CUL3: variants seen among roughly 807,000 people sequenced by gnomAD.
CUL3 encodes cullin-3.
A neutral mutation model predicts 89.1 loss-of-function variants in CUL3; 19 were observed. The ratio of observed to expected loss-of-function variants is 0.21; its 90% CI spans 0.15 to 0.31. The LOEUF is 0.31. Ranked by LOEUF, CUL3 falls within the 10% of genes least tolerant of loss-of-function variation. CUL3 has a pLI of 1.00. For missense variants in CUL3, 469 were observed against 942.3 expected, an observed-to-expected ratio of 0.50 and a Z score of 6.58; for synonymous variants, 351 against 308.4, an observed-to-expected ratio of 1.14 and a Z score of -1.45.
chr2:224,509,918 C>T (rs1473416880), intron 6 of CUL3, among the ~76,000 whole-genome samples: 1 of 152,194 alleles, frequency 6.6e-6, no homozygotes, highest in East Asian at 1.9e-4. Context: ...GCAAATACAG[C>T]CTGCCATCTA....
In CUL3 at chr2:224,503,682, G is replaced by A. The variant is rs752131041; in HGVS notation, c.1347C>T (p.Asp449=). The A allele has an allele frequency of 1.3e-6, 2 of 1,593,502 alleles. No individual in the cohort carries two copies. The highest frequency in any genetic ancestry group is 2.3e-5 in the South Asian group (2 of 86,422). Residue 449 remains aspartate (D), a synonymous_variant, in exon 9 of 16, where the codon GAC becomes GAT. Transcript: ENST00000264414. ...ACTTAGATATCATGTTTTTTTCAGA[G>A]TCATCAGAAACACTTTTATTTGTGA... ...RLLTNKSVSD[D]SEKNMISKLK...
chr2:224,567,752 AC>A (rs753044812), intron 1 of CUL3, among the ~76,000 whole-genome samples: 14 of 149,454 alleles, frequency 9.4e-5, no homozygotes, highest in Non-Finnish European at 1.2e-4. Context: ...AAAAAAAAAA[AC>A]CTTTCACCTA....
chr2:224,513,079 AAC>A (rs1383584753), intron 5 of CUL3, among the ~76,000 whole-genome samples: 5 of 152,224 alleles, frequency 3.3e-5, no homozygotes, highest in Admixed American at 3.3e-4. Flanking sequence ...TGGTGTTAAT[AAC>A]ACTTTCTTTT....
At chr2:224,532,682 G>T (rs1016484928) in intron 3 of CUL3, among the ~76,000 whole-genome samples, 4 of 152,162 alleles carry the variant, frequency 2.6e-5, no homozygotes, top group Non-Finnish European at 5.9e-5. Flanking sequence ...ACAGATCCTG[G>T]GAGACAGTGC....
chr2:224,584,847 G>C (rs1695541051), intron 1 of CUL3, 97 bp downstream of exon 1: 2 of 852,288 alleles, frequency 2.3e-6, no homozygotes, highest in Non-Finnish European at 3.2e-6. Flanking sequence ...GGGGAGGCCG[G>C]GCCTGCGGCC....
chr2:224,477,660 C>G (rs1691375074), intron 15 of CUL3, among the ~76,000 whole-genome samples: 1 of 152,194 alleles, frequency 6.6e-6, no homozygotes, highest in Non-Finnish European at 1.5e-5. Context: ...TCTACTCATT[C>G]AAGCCAGAAA....
rs746745736 is a variant in CUL3, at chr2:224,481,955, C to T, written c.1966G>A (p.Gly656Ser). 1.2e-6 allele frequency: 2 copies of T among 1,604,916 alleles called. No homozygotes were observed. Among genetic ancestry groups the T allele is most frequent in the Non-Finnish European group, 8.5e-7 (1 of 1,176,226 alleles). ...TGATCATTAACTGTAAATATATGAC[C>T]ATTTTCTATTTCCTTTGATTTGGGT... ...KEPKSKEIEN[G>S]HIFTVNDQFT... Residue 656 changes from glycine (G) to serine (S), a missense_variant, in exon 14 of 16, where the codon GGT (glycine) becomes AGT (serine). Physicochemically the swap from Gly to Ser is moderately conservative, Grantham distance 56. Around this residue, in one of 4 missense-constraint regions of CUL3, gnomAD observed 65 missense variants for 147.8 expected, o/e 0.44. Transcript: ENST00000264414.
chr2:224,503,771 TA>T lies in CUL3; in HGVS notation c.1257del (p.Phe419LeufsTer36). ...ETILDKAMVL[F>X]RFMQEKDVFE... is the part of the protein sequence containing the mutation. ...AATACATCTTTTTCTTGCATAAACCTAAAAAGGACCATTGCTTTATCCAATA... is the reference window on the plus strand; with the variant it reads ...AATACATCTTTTTCTTGCATAAACCTAAAAGGACCATTGCTTTATCCAATA... On this transcript the variant is annotated frameshift_variant, in exon 9 of 16. Transcript: ENST00000264414. LOFTEE classifies it high-confidence loss of function. 6.2e-7 allele frequency: 1 copy of T among 1,604,056 alleles called. No individual in the cohort carries two copies.
intron 1 of CUL3, 44 bp from the exon 2 acceptor site, chr2:224,557,900 A>C (rs756283346): frequency 2.7e-6 from 3 of 1,131,720 alleles, no homozygotes; most frequent in Admixed American, 2.5e-5. Context: ...AAAAAAAAAA[A>C]AAAAACCAAT....
chr2:224,567,926 CCTGT>C (rs1695086840), intron 1 of CUL3, among the ~76,000 whole-genome samples: 1 of 152,140 alleles, frequency 6.6e-6, no homozygotes, highest in Non-Finnish European at 1.5e-5. Flanking sequence ...CTTATCCACA[CCTGT>C]CTGACATGTA....
At position 224,472,826 on chromosome 2, in the gene CUL3, T is replaced by C. The variant is rs1205661224; in HGVS notation, c.*1419A>G. ...TGACCATAAATTTAAACAGAAACCA[T>C]CTTCTGAGACATACATTCTAATAAA... On this transcript the variant is annotated 3_prime_UTR_variant, in exon 16 of 16. Coordinates refer to ENST00000264414, the MANE Select transcript of CUL3 (RefSeq NM_003590.5). The C allele has an allele frequency of 4.9e-6, 1 of 205,460 alleles. No homozygotes were observed. Among genetic ancestry groups the C allele is most frequent in the Non-Finnish European group, 1.0e-5 (1 of 100,246 alleles). The allele number at this position is 205,460 out of a possible 1,614,324, so 12.7% of individuals were successfully genotyped here. A position where few individuals can be genotyped will look rare whatever the true frequency, so the allele number is the denominator to read the frequency against.
At chr2:224,483,082 A>G (rs969422840) in intron 13 of CUL3, among the ~76,000 whole-genome samples, 1 of 152,210 alleles carries the variant, frequency 6.6e-6, no homozygotes, top group Non-Finnish European at 1.5e-5. Flanking sequence ...GTGATTACAC[A>G]TATTCATTTT....
intron 2 of CUL3, among the ~76,000 whole-genome samples, chr2:224,550,465 A>T (rs1208449706): frequency 1.3e-5 from 2 of 152,150 alleles, no homozygotes; most frequent in Non-Finnish European, 2.9e-5. Flanking sequence ...TACCATCTAT[A>T]TGTTCACAAT....
At chr2:224,563,534 G>C (rs763969203) in intron 1 of CUL3, among the ~76,000 whole-genome samples, 1 of 152,096 alleles carries the variant, frequency 6.6e-6, no homozygotes, top group Non-Finnish European at 1.5e-5. Flanking sequence ...AACTACAACA[G>C]TCCTCCTATC....
At chr2:224,557,896 A>AAAAAAC (rs1694770107) in intron 1 of CUL3, 40 bp from the exon 2 acceptor site, 1 of 1,153,404 alleles carries the variant, frequency 8.7e-7, no homozygotes, top group African/African-American at 1.6e-5. Flanking sequence ...AAAAAAAAAA[A>AAAAAAC]AAAAAAAAAC....
At chr2:224,573,890 T>A (rs1695241875) in intron 1 of CUL3, among the ~76,000 whole-genome samples, 1 of 152,178 alleles carries the variant, frequency 6.6e-6, no homozygotes, top group African/African-American at 2.4e-5. Flanking sequence ...TAAAACAGCC[T>A]ACCACAAGTC....
Position 224,585,018 on chromosome 2 carries a change from TC to T in CUL3, c.-10del. ...TTGCTCAGATTCGACATGGTGCTCG[TC>T]CCCTCCCCGGCGGCGGCTTCAGGTC... is the stretch of plus-strand genomic sequence containing the variant. On this transcript the variant is annotated 5_prime_UTR_variant, in exon 1 of 16. Coordinates refer to ENST00000264414, the MANE Select transcript of CUL3 (RefSeq NM_003590.5). The T allele has an allele frequency of 6.7e-7, 1 of 1,494,230 alleles. No individual in the cohort carries two copies. Among genetic ancestry groups the T allele is most frequent in the Non-Finnish European group, 9.0e-7 (1 of 1,109,532 alleles). 92.6% of individuals were successfully genotyped at this position (1,494,230 alleles called of 1,614,324 possible).
chr2:224,569,904 G>C (rs1258479953), intron 1 of CUL3: 2 of 404,680 alleles, frequency 4.9e-6, no homozygotes, highest in Non-Finnish European at 5.7e-6. Context: ...GACACAGCTA[G>C]AAAAAAAATA....
chr2:224,483,634 G>A (rs762673068), intron 13 of CUL3, among the ~76,000 whole-genome samples: 1 of 151,978 alleles, frequency 6.6e-6, no homozygotes, highest in Admixed American at 6.6e-5. Context: ...GAACGTACAC[G>A]AACACATCCA....
Sources: allele counts gnomAD v4.1 joint callset (sites outside exome capture counted in the v4.1 genomes callset), GRCh38; gene constraint gnomAD v4.1.1; regional missense constraint gnomAD v4.1.1; transcripts MANE v1.5; gene names NCBI Gene and HGNC (gene_info 2026-07-23, HGNC 2026-07-21).